Variants in DOCK5 observed in about 807,000 individuals in gnomAD.
DOCK5 encodes dedicator of cytokinesis protein 5.
DOCK5 carries 142 observed loss-of-function variants against 251.8 expected under a neutral mutation model. The ratio of observed to expected loss-of-function variants is 0.56; its 90% CI spans 0.49 to 0.65. DOCK5 has a LOEUF of 0.65. Ranked by LOEUF, DOCK5 falls within the 30% of genes least tolerant of loss-of-function variation. The pLI is 0.00. For missense variants in DOCK5, 2,111 were observed against 2,312.3 expected (o/e 0.91, Z 1.79); for synonymous variants, 842 against 835.5 (o/e 1.01, Z -0.13).
At position 25,243,761 on chromosome 8, in the gene DOCK5, A is replaced by G. The variant is rs1176702085; in HGVS notation, c.127+4A>G. ...CACATCCTGGAGATGTACGAGGGTA[A>G]GTCTGGCTGGCCTTCTGCCAGATGA... On this transcript the variant is annotated splice_donor_region_variant and intron_variant, in intron 2 of 51. Transcript: ENST00000276440. 1 of 1,613,378 alleles carries G rather than the reference A, an allele frequency of 6.2e-7. No homozygotes were observed. Among genetic ancestry groups the G allele is most frequent in the Non-Finnish European group, 8.5e-7 (1 of 1,179,566 alleles).
At chr8:25,270,526 C>T (rs1349375532) in intron 3 of DOCK5, among the ~76,000 whole-genome samples, 5 of 152,014 alleles carry the variant, frequency 3.3e-5, no homozygotes, top group African/African-American at 1.2e-4. Context: ...TCACTTAATT[C>T]CCAATCCTTT....
intron 44 of DOCK5, among the ~76,000 whole-genome samples, chr8:25,394,148 G>A (rs564077401): frequency 1.3e-5 from 2 of 152,296 alleles, no homozygotes; most frequent in East Asian, 3.9e-4. Flanking sequence ...TTGAGCCCAG[G>A]AGTTGGAGGT....
At chr8:25,291,549 G>A (rs1322659548) in intron 5 of DOCK5, among the ~76,000 whole-genome samples, 1 of 151,898 alleles carries the variant, frequency 6.6e-6, no homozygotes, top group African/African-American at 2.4e-5. Context: ...TGGGTGTGGT[G>A]GCATGCTCCT....
At chr8:25,360,931 T>C (rs977321211) in intron 28 of DOCK5, among the ~76,000 whole-genome samples, 11 of 152,122 alleles carry the variant, frequency 7.2e-5, no homozygotes, top group Non-Finnish European at 1.5e-4. Context: ...AGCTGTATTA[T>C]GTAATTAAAA....
intron 3 of DOCK5, among the ~76,000 whole-genome samples, chr8:25,274,560 T>C (rs1563333993): frequency 6.6e-6 from 1 of 152,170 alleles, no homozygotes; most frequent in African/African-American, 2.4e-5. Context: ...CTTAGGTCTT[T>C]CCAGGCCTAA....
chr8:25,373,207 C>G (rs540916747), intron 35 of DOCK5, among the ~76,000 whole-genome samples: 35 of 152,204 alleles, frequency 2.3e-4, no homozygotes, highest in Non-Finnish European at 8.8e-5. Flanking sequence ...ACCATGTTGG[C>G]CAGGATGGTC....
intron 48 of DOCK5, among the ~76,000 whole-genome samples, chr8:25,407,446 A>G (rs2248185): frequency 0.53 from 81,236 of 151,992 alleles, 23,400 homozygotes; most frequent in Middle Eastern, 0.64. Context: ...ACTTCCTGGG[A>G]TAAGATACTC....
intron 20 of DOCK5, 38 bp downstream of exon 20, chr8:25,332,730 C>A: frequency 6.7e-7 from 1 of 1,491,604 alleles, no homozygotes; most frequent in Non-Finnish European, 9.2e-7. Flanking sequence ...TTTATTGTTG[C>A]AACTTTGTAG....
chr8:25,301,762 A>T (rs1369768830), intron 9 of DOCK5, among the ~76,000 whole-genome samples: 19 of 152,156 alleles, frequency 1.2e-4, no homozygotes, highest in Non-Finnish European at 1.5e-5. Flanking sequence ...TAGGTATTTC[A>T]TTGACACATC....
chr8:25,292,424 A>G (rs1287601363), intron 6 of DOCK5, among the ~76,000 whole-genome samples: 1 of 152,100 alleles, frequency 6.6e-6, no homozygotes, highest in African/African-American at 2.4e-5. Context: ...TCTTGGACTG[A>G]GGCTGCTCCA....
chr8:25,342,423 C>G lies in DOCK5; in HGVS notation c.2533C>G (p.Gln845Glu). 2 of 1,597,208 alleles carry G rather than the reference C, an allele frequency of 1.3e-6. No individual in the cohort carries two copies. Among genetic ancestry groups the G allele is most frequent in the Non-Finnish European group, 1.7e-6 (2 of 1,170,532 alleles). The change falls in exon 25 of 52, where the codon CAA becomes GAA. Residue 845 changes from glutamine (Q) to glutamate (E), a missense_variant. Around this residue, in one of 3 missense-constraint regions of DOCK5, gnomAD observed 1,717 missense variants for 1,892.4 expected, o/e 0.91. Transcript: ENST00000276440. Reference protein sequence around the residue: ...ELSVLFCKFIQSIPDNQLVRQ... With the variant: ...ELSVLFCKFIESIPDNQLVRQ... ...CAGCGTGCTCTTCTGCAAATTCATT[C>G]AAAGCATTCCTGACAACCAGCTGGT...
At chr8:25,377,764 C>T (rs1800990514) in intron 38 of DOCK5, among the ~76,000 whole-genome samples, 1 of 152,188 alleles carries the variant, frequency 6.6e-6, no homozygotes. Flanking sequence ...TGAAGGGACC[C>T]ATAGGGAACA....
chr8:25,245,961 T>C (rs1352264985), intron 2 of DOCK5, among the ~76,000 whole-genome samples: 1 of 152,230 alleles, frequency 6.6e-6, no homozygotes, highest in African/African-American at 2.4e-5. Context: ...TCTTCCACCA[T>C]GATTGTAGTT....
intron 27 of DOCK5, among the ~76,000 whole-genome samples, chr8:25,353,881 A>C (rs892140680): frequency 2.0e-5 from 3 of 151,944 alleles, no homozygotes; most frequent in Non-Finnish European, 2.9e-5. Flanking sequence ...AAAGTTAGCC[A>C]GGTGTGGTGA....
intron 44 of DOCK5, 102 bp downstream of exon 44, chr8:25,392,984 C>A: frequency 2.2e-6 from 2 of 916,210 alleles, no homozygotes; most frequent in Non-Finnish European, 1.7e-6. Flanking sequence ...GCTTGGCCAG[C>A]CTCCTCTGGC....
At chr8:25,283,774 C>T (rs1024939679) in intron 5 of DOCK5, among the ~76,000 whole-genome samples, 3 of 152,166 alleles carry the variant, frequency 2.0e-5, no homozygotes, top group African/African-American at 7.2e-5. Context: ...ACATAGAGAA[C>T]CTGCTTGGTT....
At chr8:25,290,457 G>A (rs1804456763) in intron 5 of DOCK5, among the ~76,000 whole-genome samples, 1 of 152,196 alleles carries the variant, frequency 6.6e-6, no homozygotes, top group African/African-American at 2.4e-5. Flanking sequence ...TCAAGTATTT[G>A]ATTCTTAAAA....
intron 1 of DOCK5, among the ~76,000 whole-genome samples, chr8:25,233,308 A>C (rs889155845): frequency 1.3e-5 from 2 of 152,264 alleles, no homozygotes; most frequent in African/African-American, 4.8e-5. Context: ...TTAAAGCAGG[A>C]TAATTCATCT....
At chr8:25,208,647 C>G (rs1802057812) in intron 1 of DOCK5, among the ~76,000 whole-genome samples, 1 of 152,186 alleles carries the variant, frequency 6.6e-6, no homozygotes, top group Admixed American at 6.5e-5. Flanking sequence ...AATGCTATTA[C>G]ACACTTAATT....
Sources: allele counts gnomAD v4.1 joint callset (sites outside exome capture counted in the v4.1 genomes callset), GRCh38; gene constraint gnomAD v4.1.1; regional missense constraint gnomAD v4.1.1; transcripts MANE v1.5; gene names NCBI Gene and HGNC (gene_info 2026-07-23, HGNC 2026-07-21).